The following ASTN2 variants were observed in gnomAD, a reference collection of about 807,000 sequenced individuals.
ASTN2 encodes the protein astrotactin 2.
Under a neutral mutation model 139.8 loss-of-function variants are expected in ASTN2, and 54 were observed. The observed-to-expected ratio is 0.39, with a 90% CI of 0.31 to 0.48. The LOEUF (loss-of-function observed/expected upper bound fraction) is 0.48, where lower values mean the gene tolerates loss of function less well. Ranked by LOEUF, ASTN2 falls within the 20% of genes least tolerant of loss-of-function variation. The pLI, the probability that ASTN2 is intolerant of heterozygous loss-of-function variation, is 0.95. For synonymous variants in ASTN2, 756 were observed against 719.5 expected (o/e 1.05, Z -0.81); for missense variants, 1,565 against 1,725.1 (o/e 0.91, Z 1.64).
At chr9:116,649,900 C>A (rs1334059337) in intron 17 of ASTN2, among the ~76,000 whole-genome samples, 6 of 152,200 alleles carry the variant, frequency 3.9e-5, no homozygotes, top group Non-Finnish European at 1.5e-5. Context: ...CATTTTGTTT[C>A]TCCCTCCGTC....
At chr9:117,170,525 T>C (rs1830767166) in intron 3 of ASTN2, among the ~76,000 whole-genome samples, 9 of 152,108 alleles carry the variant, frequency 5.9e-5, no homozygotes, top group Admixed American at 5.9e-4. Context: ...AAGTAAAATA[T>C]AAGCTTTGTC....
chr9:117,363,088 C>T lies in ASTN2; in HGVS notation c.442+51409G>A, dbSNP rs543057480. On this transcript the variant is annotated intron_variant, in intron 1 of 22. Coordinates refer to ENST00000313400, the MANE Select transcript of ASTN2 (RefSeq NM_001365068.1). ...GCCAGCCTGCAATGCCTCATTGCCC[C>T]GGGTCCATTCCCTTAGCCCTGCCCA... 1.5e-3 allele frequency among the ~76,000 whole-genome samples: 230 copies of T among 152,236 alleles called. 1 individual carries two copies. Among genetic ancestry groups the T allele is most frequent in the African/African-American group, 5.3e-3 (219 of 41,548 alleles).
intron 1 of ASTN2, among the ~76,000 whole-genome samples, chr9:117,356,140 A>G (rs150042287): frequency 1.0e-3 from 158 of 152,322 alleles, no homozygotes; most frequent in African/African-American, 3.7e-3. Context: ...TCACTCAAAG[A>G]TACAAGGTAT....
intron 16 of ASTN2, among the ~76,000 whole-genome samples, chr9:116,682,136 G>A (rs1247271064): frequency 6.6e-6 from 1 of 151,790 alleles, no homozygotes; most frequent in Non-Finnish European, 1.5e-5. Flanking sequence ...TCTGACAAAG[G>A]GCTAATATCC....
chr9:116,617,245 C>G (rs1233671011), intron 19 of ASTN2, among the ~76,000 whole-genome samples: 1 of 151,874 alleles, frequency 6.6e-6, no homozygotes, highest in Admixed American at 6.6e-5. Context: ...CAAAAATAGC[C>G]CAGAGAGGAA....
At chr9:117,293,677 C>T (rs1030177859) in intron 1 of ASTN2, among the ~76,000 whole-genome samples, 3 of 152,120 alleles carry the variant, frequency 2.0e-5, no homozygotes, top group South Asian at 2.1e-4. Flanking sequence ...CCCCACTGAC[C>T]CCCTCCCAGC....
chr9:117,359,763 C>T (rs1179866504), intron 1 of ASTN2, among the ~76,000 whole-genome samples: 2 of 152,048 alleles, frequency 1.3e-5, no homozygotes, highest in Admixed American at 6.6e-5. Context: ...GGAGTGGAGT[C>T]AGGGATTGCA....
chr9:116,909,221 T>A (rs879346362), intron 10 of ASTN2, among the ~76,000 whole-genome samples: 18 of 152,126 alleles, frequency 1.2e-4, no homozygotes, highest in Non-Finnish European at 2.1e-4. Flanking sequence ...AGGCGTGTGT[T>A]AGAGATGGGT....
intron 21 of ASTN2, among the ~76,000 whole-genome samples, chr9:116,441,548 A>G (rs79004701): frequency 0.03 from 4,617 of 152,128 alleles, 96 homozygotes; most frequent in Non-Finnish European, 0.045. Context: ...TTATTTTAAA[A>G]TAATATTTTT....
intron 10 of ASTN2, among the ~76,000 whole-genome samples, chr9:116,905,167 G>A (rs1313018153): frequency 3.9e-5 from 6 of 151,922 alleles, no homozygotes; most frequent in Admixed American, 3.3e-4. Context: ...GGGGCCGCGG[G>A]TGGGTGGGGA....
chr9:116,665,532 C>A (rs932999878), intron 16 of ASTN2, among the ~76,000 whole-genome samples: 5 of 152,076 alleles, frequency 3.3e-5, no homozygotes, highest in African/African-American at 1.2e-4. Flanking sequence ...GCAATAAATA[C>A]CCCTACTGCC....
intron 19 of ASTN2, among the ~76,000 whole-genome samples, chr9:116,533,742 G>A (rs1851475108): frequency 6.6e-6 from 1 of 152,186 alleles, no homozygotes; most frequent in Non-Finnish European, 1.5e-5. Context: ...GCTTTTTGAT[G>A]TGCTGCTGGA....
At chr9:116,723,950 T>C (rs1828544624) in intron 16 of ASTN2, among the ~76,000 whole-genome samples, 1 of 79,358 alleles carries the variant, frequency 1.3e-5, no homozygotes, top group Admixed American at 1.5e-4. Flanking sequence ...AGCTGTTGTT[T>C]CAGCACTCTT....
intron 13 of ASTN2, among the ~76,000 whole-genome samples, chr9:116,752,335 A>G (rs1284830697): frequency 2.6e-5 from 4 of 152,174 alleles, no homozygotes; most frequent in Admixed American, 2.0e-4. Flanking sequence ...AAGAAGAAAA[A>G]CAGACAAAAA....
At chr9:116,467,732 C>T (rs1471127469) in intron 20 of ASTN2, among the ~76,000 whole-genome samples, 1 of 152,190 alleles carries the variant, frequency 6.6e-6, no homozygotes, top group East Asian at 1.9e-4. Flanking sequence ...TGTAAATATC[C>T]TTTATAAAGT....
At chr9:116,691,622 T>G (rs16933830) in intron 16 of ASTN2, among the ~76,000 whole-genome samples, 6,904 of 152,280 alleles carry the variant, frequency 0.045, 542 homozygotes, top group African/African-American at 0.16. Flanking sequence ...AGCATGCCTG[T>G]GTTTCCCTAT....
At chr9:117,386,784 T>A (rs1280516962) in intron 1 of ASTN2, among the ~76,000 whole-genome samples, 1 of 152,166 alleles carries the variant, frequency 6.6e-6, no homozygotes, top group Non-Finnish European at 1.5e-5. Flanking sequence ...AAGACCCACA[T>A]GTGCTGCAGC....
intron 6 of ASTN2, among the ~76,000 whole-genome samples, chr9:117,012,640 C>A (rs1272272610): frequency 6.6e-6 from 1 of 152,098 alleles, no homozygotes; most frequent in African/African-American, 2.4e-5. Flanking sequence ...AAAAAGGGGA[C>A]TCAAAGAGGA....
At chr9:116,510,369 T>A (rs1462555489) in intron 19 of ASTN2, among the ~76,000 whole-genome samples, 6 of 151,996 alleles carry the variant, frequency 3.9e-5, no homozygotes, top group Non-Finnish European at 4.4e-5. Context: ...GGTCTATATC[T>A]CTGGGTACAA....
Sources: gnomAD v4.1 joint callset for allele counts (sites outside exome capture counted in the v4.1 genomes callset) on GRCh38, gnomAD v4.1.1 for gene constraint, MANE v1.5 for transcripts, NCBI Gene and HGNC (gene_info 2026-07-23, HGNC 2026-07-21) for gene names.